Variants in PLLP observed in about 807,000 individuals in gnomAD.
PLLP encodes the protein plasma membrane proteolipid (plasmolipin).
PLLP carries 15 observed loss-of-function variants against 19.7 expected under a neutral mutation model. That is an observed-to-expected ratio of 0.76 (90% confidence interval 0.51 to 1.17). The LOEUF (loss-of-function observed/expected upper bound fraction) is 1.17, where lower values mean the gene tolerates loss of function less well. Ranked by LOEUF, PLLP falls within the 50% of genes most tolerant of loss-of-function variation. The pLI is 0.00. For synonymous variants in PLLP, 111 were observed against 116.3 expected (o/e 0.95, Z 0.29); for missense variants, 255 against 258.3 (o/e 0.99, Z 0.09).
chr16:57,282,223 CTTTTCTT>C (rs1567533900), intron 1 of PLLP, among the ~76,000 whole-genome samples: 2 of 117,160 alleles, frequency 1.7e-5, no homozygotes, highest in African/African-American at 7.1e-5. Flanking sequence ...TTTCTTTTTT[CTTTTCTT>C]TTTTTTTTTT....
At chr16:57,273,907 G>A (rs1220226438) in intron 1 of PLLP, among the ~76,000 whole-genome samples, 1 of 152,186 alleles carries the variant, frequency 6.6e-6, no homozygotes, top group Non-Finnish European at 1.5e-5. Flanking sequence ...GTGTGATCCT[G>A]GGGAAAGTGC....
chr16:57,261,792 G>T, intron 2 of PLLP, 105 bp downstream of exon 2: 1 of 957,738 alleles, frequency 1.0e-6, no homozygotes, highest in Non-Finnish European at 1.7e-6. Context: ...GATCAGCTTA[G>T]GTCAGTGAGG....
At chr16:57,271,995 A>T (rs1402179696) in intron 1 of PLLP, among the ~76,000 whole-genome samples, 1 of 152,066 alleles carries the variant, frequency 6.6e-6, no homozygotes, top group African/African-American at 2.4e-5. Context: ...CCAACCACAC[A>T]GAGCATTCCC....
intron 1 of PLLP, among the ~76,000 whole-genome samples, chr16:57,279,678 G>GA (rs141312419): frequency 0.034 from 4,783 of 142,398 alleles, 96 homozygotes; most frequent in Non-Finnish European, 0.045. Flanking sequence ...TTGTCTCGAG[G>GA]AAAAAAAAAA....
intron 1 of PLLP, among the ~76,000 whole-genome samples, chr16:57,277,984 A>G (rs1901174056): frequency 6.6e-6 from 1 of 152,190 alleles, no homozygotes; most frequent in African/African-American, 2.4e-5. Context: ...AAATGAGCAG[A>G]GGCTGCCGGG....
chr16:57,273,409 C>A (rs1901104451), intron 1 of PLLP, among the ~76,000 whole-genome samples: 1 of 152,206 alleles, frequency 6.6e-6, no homozygotes, highest in Admixed American at 6.5e-5. Flanking sequence ...CCTAGCAGCT[C>A]AGGATTTGGG....
chr16:57,281,082 T>C (rs1298789529), intron 1 of PLLP, among the ~76,000 whole-genome samples: 1 of 152,184 alleles, frequency 6.6e-6, no homozygotes, highest in African/African-American at 2.4e-5. Flanking sequence ...AAGCACATCC[T>C]CTGGGCACCT....
intron 2 of PLLP, among the ~76,000 whole-genome samples, chr16:57,259,598 G>A (rs1032100082): frequency 3.3e-5 from 5 of 152,234 alleles, no homozygotes; most frequent in Middle Eastern, 3.4e-3. Flanking sequence ...CATTCAGTTC[G>A]TCCAATATAC....
intron 1 of PLLP, among the ~76,000 whole-genome samples, chr16:57,276,276 G>A (rs1403351776): frequency 5.9e-5 from 9 of 152,096 alleles, no homozygotes; most frequent in African/African-American, 1.7e-4. Context: ...GGCCGACATG[G>A]TGAAACCCTG....
chr16:57,261,813 A>AC (rs771367151), intron 2 of PLLP, 84 bp downstream of exon 2: 52 of 1,260,602 alleles, frequency 4.1e-5, no homozygotes, highest in Admixed American at 6.9e-5. Context: ...ATGTCAGGCC[A>AC]CCCCCCCACA....
rs1156661654 is a variant in PLLP, at chr16:57,256,553, G to A, written c.*360C>T. 4.1e-6 allele frequency: 1 copy of A among 241,794 alleles called. No homozygotes were observed. Among genetic ancestry groups the A allele is most frequent in the East Asian group, 8.7e-5 (1 of 11,476 alleles). The allele number at this position is 241,794 out of a possible 1,614,324, so 15.0% of individuals were successfully genotyped here. Reference sequence around the variant, plus strand: ...ATACTACGGCGGGTCTGGGGCTGCAGGTCTGGAGTCCTTGTTAGTGCATTT... The same window carrying A: ...ATACTACGGCGGGTCTGGGGCTGCAAGTCTGGAGTCCTTGTTAGTGCATTT... On this transcript the variant is annotated 3_prime_UTR_variant, in exon 4 of 4. Transcript: ENST00000219207.
chr16:57,273,653 T>C (rs1223888043), intron 1 of PLLP, among the ~76,000 whole-genome samples: 1 of 152,184 alleles, frequency 6.6e-6, no homozygotes, highest in African/African-American at 2.4e-5. Context: ...ACAACAGCCA[T>C]GGGGATCTGT....
chr16:57,272,475 G>A (rs1230050066), intron 1 of PLLP, among the ~76,000 whole-genome samples: 1 of 152,224 alleles, frequency 6.6e-6, no homozygotes, highest in Non-Finnish European at 1.5e-5. Context: ...ACCAGCTGCT[G>A]TTGGAAGTAT....
intron 1 of PLLP, among the ~76,000 whole-genome samples, chr16:57,273,896 T>A (rs1486675861): frequency 1.3e-5 from 2 of 152,232 alleles, no homozygotes; most frequent in African/African-American, 4.8e-5. Context: ...TGCTCCCTGC[T>A]GTGTGATCCT....
At chr16:57,268,480 CT>C (rs758360769) in intron 1 of PLLP, among the ~76,000 whole-genome samples, 1 of 152,000 alleles carries the variant, frequency 6.6e-6, no homozygotes, top group Non-Finnish European at 1.5e-5. Context: ...TATCTACCCC[CT>C]AGGGTGGTTT....
chr16:57,258,928 A>G (rs1369672885), intron 2 of PLLP, among the ~76,000 whole-genome samples: 1 of 149,768 alleles, frequency 6.7e-6, no homozygotes, highest in Admixed American at 6.6e-5. Flanking sequence ...CTCAAAAAAA[A>G]AAAAAAAAAA....
intron 1 of PLLP, among the ~76,000 whole-genome samples, chr16:57,270,242 TTCCCCAGCCCCCGAGTCCA>T (rs1346128257): frequency 0.016 from 1,215 of 77,986 alleles, 26 homozygotes; most frequent in African/African-American, 0.057. Context: ...CCCTGAGTCA[TTCCCCAGCCCCCGAGTCCA>T]TCCCCAGCCC....
intron 1 of PLLP, among the ~76,000 whole-genome samples, chr16:57,275,133 AT>A (rs1473868811): frequency 2.0e-5 from 3 of 151,222 alleles, no homozygotes; most frequent in African/African-American, 4.9e-5. Flanking sequence ...ACACACATGC[AT>A]TTCAGATAAG....
intron 1 of PLLP, among the ~76,000 whole-genome samples, chr16:57,282,303 G>T (rs1448634234): frequency 6.6e-6 from 1 of 151,562 alleles, no homozygotes; most frequent in Non-Finnish European, 1.5e-5. Flanking sequence ...GAGTGCAGTG[G>T]TGCGATCAAA....
Sources: allele counts gnomAD v4.1 joint callset (sites outside exome capture counted in the v4.1 genomes callset), GRCh38; gene constraint gnomAD v4.1.1; transcripts MANE v1.5; gene names NCBI Gene and HGNC (gene_info 2026-07-23, HGNC 2026-07-21).